N4BP2: variants seen among roughly 807,000 people sequenced by gnomAD.
N4BP2 encodes the protein NEDD4-binding protein 2.
N4BP2 carries 91 observed loss-of-function variants against 152.8 expected under a neutral mutation model. The observed-to-expected ratio is 0.60, with a 90% CI of 0.50 to 0.71. The LOEUF (loss-of-function observed/expected upper bound fraction) is 0.71, where lower values mean the gene tolerates loss of function less well. Among genes scored for constraint, N4BP2 ranks in the 30% least tolerant of loss-of-function variants. The pLI, the probability that N4BP2 is intolerant of heterozygous loss-of-function variation, is 0.00. For synonymous variants in N4BP2, 646 were observed against 705.3 expected (o/e 0.92, Z 1.33); for missense variants, 1,923 against 2,059.1 (o/e 0.93, Z 1.28).
chr4:40,120,128 C>T lies in N4BP2; in HGVS notation c.2017C>T (p.Gln673Ter). 1 of 1,612,188 alleles carries T rather than the reference C, an allele frequency of 6.2e-7. No individual in the cohort carries two copies. Among genetic ancestry groups the T allele is most frequent in the East Asian group, 2.2e-5 (1 of 44,832 alleles). The change falls in exon 9 of 18, where the codon CAA becomes TAA. Residue 673 changes from glutamine to a stop codon, truncating the protein, a stop_gained. Coordinates refer to ENST00000261435, the MANE Select transcript of N4BP2 (RefSeq NM_018177.6). LOFTEE classifies it high-confidence loss of function. The part of the protein sequence containing the change: ...KEISDMNPSI[Q>*]SALILETPHM... ...AATAAGTGATATGAATCCTAGCATT[C>T]AAAGTGCTTTAATTCTGGAAACTCC...
rs1474996270 is a variant in N4BP2, at chr4:40,121,339, GT to G, written c.3231del (p.Phe1077LeufsTer28). ...PYRVMYDKST[F>X]VEESELTSAD... ...ATAGAGTAATGTATGATAAAAGCAC[GT>G]TTGTTGAAGAAAGTGAGCTTACCAG... is the stretch of plus-strand genomic sequence containing the variant. On this transcript the variant is annotated frameshift_variant, in exon 9 of 18. Transcript: ENST00000261435. LOFTEE classifies it high-confidence loss of function. 6.2e-7 allele frequency: 1 copy of G among 1,613,780 alleles called. No individual in the cohort carries two copies. The highest frequency in any genetic ancestry group is 8.5e-7 in the Non-Finnish European group (1 of 1,179,948).
intron 1 of N4BP2, among the ~76,000 whole-genome samples, chr4:40,059,823 G>GCA (rs987013831): frequency 3.9e-5 from 6 of 152,166 alleles, no homozygotes; most frequent in Non-Finnish European, 8.8e-5. Context: ...ATATGTGATT[G>GCA]TATTTAATTC....
chr4:40,100,184 A>G, intron 3 of N4BP2: 1 of 434,182 alleles, frequency 2.3e-6, no homozygotes, highest in Non-Finnish European at 4.7e-6. Flanking sequence ...TAGGAAAGTT[A>G]ACTTGTTGAA....
chr4:40,089,331 G>A (rs1714305799), intron 2 of N4BP2, among the ~76,000 whole-genome samples: 2 of 151,414 alleles, frequency 1.3e-5, no homozygotes, highest in East Asian at 1.9e-4. Context: ...AATGTGGTAT[G>A]TAAGTATTTT....
chr4:40,111,986 C>T (rs1310932882), intron 5 of N4BP2, 98 bp from the exon 6 acceptor site: 1 of 662,436 alleles, frequency 1.5e-6, no homozygotes, highest in African/African-American at 1.9e-5. Flanking sequence ...AAAATTAGCA[C>T]ATCATGATTT....
intron 2 of N4BP2, among the ~76,000 whole-genome samples, chr4:40,092,864 G>T (rs949419267): frequency 1.3e-5 from 2 of 151,456 alleles, no homozygotes; most frequent in African/African-American, 4.8e-5. Context: ...GACTGGTCTC[G>T]AACTCCTGAC....
At chr4:40,183,253 A>T in the N4BP2 span, among the ~76,000 whole-genome samples, 1 of 152,164 alleles carries the variant, frequency 6.6e-6, no homozygotes, top group African/African-American at 2.4e-5. Context: ...GTAACATCCC[A>T]GTAAGATAAT....
At chr4:40,147,501 G>GC (rs559768049) in intron 16 of N4BP2, among the ~76,000 whole-genome samples, 92 of 149,702 alleles carry the variant, frequency 6.1e-4, no homozygotes, top group African/African-American at 2.0e-3. Flanking sequence ...GGGCAGAGGC[G>GC]CCCCCCACCT....
the N4BP2 span, among the ~76,000 whole-genome samples, chr4:40,188,676 C>T: frequency 3.0e-4 from 41 of 137,458 alleles, no homozygotes; most frequent in East Asian, 9.0e-4. Context: ...GCCTGGGAGG[C>T]GCAGGTTGCA....
chr4:40,116,021 T>C (rs894282284), intron 7 of N4BP2, among the ~76,000 whole-genome samples: 4 of 152,156 alleles, frequency 2.6e-5, no homozygotes, highest in Non-Finnish European at 4.4e-5. Flanking sequence ...CCCTAATTAA[T>C]TGAACCTTTT....
chr4:40,167,016 G>C, the N4BP2 span: 1 of 151,988 alleles, frequency 6.6e-6, no homozygotes, highest in Non-Finnish European at 1.5e-5. Context: ...TGTCATACTT[G>C]ATATTAGAGT....
chr4:40,142,540 G>T, intron 14 of N4BP2, 133 bp from the exon 15 acceptor site: 2 of 622,466 alleles, frequency 3.2e-6, no homozygotes, highest in Non-Finnish European at 5.7e-6. Flanking sequence ...AGACGCTGGG[G>T]AGAATCTATT....
At chr4:40,091,216 C>T (rs1560584179) in intron 2 of N4BP2, among the ~76,000 whole-genome samples, 2 of 151,898 alleles carry the variant, frequency 1.3e-5, no homozygotes, top group Non-Finnish European at 2.9e-5. Flanking sequence ...AATAGGGACA[C>T]TTTTATTTCT....
chr4:40,178,656 G>A, the N4BP2 span, among the ~76,000 whole-genome samples: 2 of 152,190 alleles, frequency 1.3e-5, no homozygotes, highest in Admixed American at 6.5e-5. Flanking sequence ...TCTAGATAAC[G>A]AAATAAGTTG....
chr4:40,098,292 C>T (rs1360159164), intron 3 of N4BP2, among the ~76,000 whole-genome samples: 1 of 152,200 alleles, frequency 6.6e-6, no homozygotes, highest in Middle Eastern at 3.2e-3. Flanking sequence ...GCCACTTAAT[C>T]TCCCTGAGTC....
At chr4:40,112,043 A>G in intron 5 of N4BP2, 41 bp from the exon 6 acceptor site, 1 of 1,069,294 alleles carries the variant, frequency 9.4e-7, no homozygotes, top group Non-Finnish European at 1.4e-6. Context: ...AATACTTAGT[A>G]TTGTTTAAAA....
intron 3 of N4BP2, among the ~76,000 whole-genome samples, chr4:40,100,431 C>G (rs1001579068): frequency 1.4e-5 from 2 of 145,410 alleles, no homozygotes; most frequent in Non-Finnish European, 2.9e-5. Flanking sequence ...GGCTGGAGCG[C>G]AGTAATCACT....
chr4:40,095,445 T>A (rs2109948973), intron 2 of N4BP2, among the ~76,000 whole-genome samples: 1 of 152,336 alleles, frequency 6.6e-6, no homozygotes, highest in South Asian at 2.1e-4. Flanking sequence ...TCTGTGATAA[T>A]TTTCTTTGCT....
intron 7 of N4BP2, 125 bp downstream of exon 7, chr4:40,113,633 C>T (rs879190049): frequency 1.1e-4 from 81 of 710,962 alleles, no homozygotes; most frequent in Admixed American, 1.9e-4. Context: ...CTATTGCTTA[C>T]GGCTTTTTGT....
Sources: allele counts gnomAD v4.1 joint callset (sites outside exome capture counted in the v4.1 genomes callset), GRCh38; gene constraint gnomAD v4.1.1; transcripts MANE v1.5; gene names NCBI Gene and HGNC (gene_info 2026-07-23, HGNC 2026-07-21).